RBPJ: variants seen among roughly 807,000 people sequenced by gnomAD.
RBPJ encodes the protein recombination signal binding protein for immunoglobulin kappa J region.
A neutral mutation model predicts 67.8 loss-of-function variants in RBPJ; 9 were observed. The observed-to-expected ratio is 0.13, with a 90% CI of 0.08 to 0.23. RBPJ has a LOEUF of 0.23. Among genes scored for constraint, RBPJ ranks in the 10% least tolerant of loss-of-function variants. RBPJ has a pLI of 1.00. For synonymous variants in RBPJ, 198 were observed against 203.3 expected (o/e 0.97, Z 0.22); for missense variants, 305 against 595.6 (o/e 0.51, Z 5.08).
At chr4:26,199,376 G>A (rs557378899) in intron 1 of RBPJ, among the ~76,000 whole-genome samples, 21 of 152,280 alleles carry the variant, frequency 1.4e-4, no homozygotes, top group Non-Finnish European at 2.6e-4. Context: ...TGGAGCTTGC[G>A]GGGATTAGAG....
chr4:26,119,130 A>G, the RBPJ span, among the ~76,000 whole-genome samples: 2 of 152,230 alleles, frequency 1.3e-5, no homozygotes, highest in Non-Finnish European at 2.9e-5. Context: ...GGGTTAAATA[A>G]ATAAAATACT....
At chr4:26,349,235 T>C (rs1384223379) in intron 1 of RBPJ, among the ~76,000 whole-genome samples, 3 of 151,892 alleles carry the variant, frequency 2.0e-5, no homozygotes, top group Admixed American at 2.0e-4. Context: ...GCCTGGATAA[T>C]GTTTTTAAAA....
rs574928434 is a variant in RBPJ, at chr4:26,261,346, A to T, written c.-167+97732A>T. On this transcript the variant is annotated intron_variant, in intron 1 of 4. Coordinates refer to the RBPJ transcript ENST00000512351. ...GATTCTTTTTTTTAAGGTAGAGGTT[A>T]AAAAAAAAGGCAGAGGAGCATTCTT... 2.9e-4 allele frequency among the ~76,000 whole-genome samples: 43 copies of T among 149,834 alleles called. No homozygotes were observed. The East Asian group carries it at 7.0e-3, about 24-fold the overall frequency.
At chr4:26,297,252 C>A (rs909115649) in intron 1 of RBPJ, among the ~76,000 whole-genome samples, 1 of 152,092 alleles carries the variant, frequency 6.6e-6, no homozygotes, top group Non-Finnish European at 1.5e-5. Context: ...GCAGTGAGCA[C>A]ACCACAGCAC....
chr4:26,385,797 T>A (rs1041632335), intron 1 of RBPJ, among the ~76,000 whole-genome samples: 1 of 150,870 alleles, frequency 6.6e-6, no homozygotes, highest in Non-Finnish European at 1.5e-5. Flanking sequence ...ATATTATTTA[T>A]TTATTTTTTT....
chr4:26,403,832 G>A (rs1024244557), intron 2 of RBPJ, among the ~76,000 whole-genome samples: 2 of 151,818 alleles, frequency 1.3e-5, no homozygotes, highest in African/African-American at 2.4e-5. Context: ...TGCAAATAGT[G>A]CTGCAATGAA....
upstream of RBPJ, among the ~76,000 whole-genome samples, chr4:26,159,905 TTC>T (rs35911476): frequency 0.025 from 3,681 of 147,150 alleles, 59 homozygotes; most frequent in Non-Finnish European, 0.042. Context: ...GCAAGAAGCT[TTC>T]TCTCTCTCTC....
At chr4:26,136,439 C>A in the RBPJ span, among the ~76,000 whole-genome samples, 5 of 152,220 alleles carry the variant, frequency 3.3e-5, no homozygotes, top group African/African-American at 1.2e-4. Context: ...CATCTCCTGC[C>A]ATGGCGTGGA....
At chr4:26,178,656 G>A (rs534384461) in intron 1 of RBPJ, among the ~76,000 whole-genome samples, 2 of 150,234 alleles carry the variant, frequency 1.3e-5, no homozygotes, top group South Asian at 4.2e-4. Flanking sequence ...TTAGCCTCAG[G>A]CCAGACTGCA....
chr4:26,338,191 C>T (rs1433599514), intron 1 of RBPJ, among the ~76,000 whole-genome samples: 1 of 118,396 alleles, frequency 8.4e-6, no homozygotes, highest in South Asian at 2.7e-4. Flanking sequence ...GAGTGTTGCT[C>T]TATTGGTAGG....
chr4:26,361,195 C>T (rs571564626), intron 1 of RBPJ, among the ~76,000 whole-genome samples: 1 of 152,070 alleles, frequency 6.6e-6, no homozygotes, highest in East Asian at 1.9e-4. Flanking sequence ...GCAGAGATTT[C>T]ACTGGATCAG....
upstream of RBPJ, chr4:26,320,040 C>G (rs1192932091): frequency 3.0e-6 from 2 of 657,024 alleles, no homozygotes; most frequent in Non-Finnish European, 5.3e-6. Context: ...TCGGGTGGCC[C>G]GGTTCCCTGT....
chr4:26,338,142 G>A (rs1725074515), intron 1 of RBPJ, among the ~76,000 whole-genome samples: 1 of 127,040 alleles, frequency 7.9e-6, no homozygotes, highest in Non-Finnish European at 1.7e-5. Context: ...ACATTCTTAT[G>A]TGTATTTTTC....
chr4:26,280,176 C>CT (rs1375339370), intron 1 of RBPJ, among the ~76,000 whole-genome samples: 1 of 151,620 alleles, frequency 6.6e-6, no homozygotes, highest in East Asian at 2.0e-4. Flanking sequence ...GGATGGATCA[C>CT]TTGAGGTCAG....
intron 1 of RBPJ, among the ~76,000 whole-genome samples, chr4:26,238,801 C>A (rs370187985): frequency 2.2e-4 from 33 of 152,120 alleles, no homozygotes; most frequent in African/African-American, 7.2e-4. Flanking sequence ...GGTGGCTGGG[C>A]AGATGGGGAT....
At chr4:26,324,589 G>A (rs1273008861) in intron 1 of RBPJ, among the ~76,000 whole-genome samples, 1 of 152,096 alleles carries the variant, frequency 6.6e-6, no homozygotes, top group East Asian at 1.9e-4. Context: ...GAGTTCAGTG[G>A]CACAATCTTA....
At chr4:26,166,937 G>C (rs988484924) in intron 1 of RBPJ, among the ~76,000 whole-genome samples, 7 of 152,104 alleles carry the variant, frequency 4.6e-5, no homozygotes, top group Admixed American at 6.6e-5. Flanking sequence ...CTACATATGG[G>C]TAGCCAGTTT....
chr4:26,251,847 C>CA (rs769291407), intron 1 of RBPJ, among the ~76,000 whole-genome samples: 1,436 of 49,248 alleles, frequency 0.029, 57 homozygotes, highest in East Asian at 0.054. Flanking sequence ...GACTCCGTCT[C>CA]AAAAAAAAAA....
chr4:26,284,468 T>G (rs1199119636), intron 1 of RBPJ, among the ~76,000 whole-genome samples: 1 of 152,254 alleles, frequency 6.6e-6, no homozygotes, highest in East Asian at 1.9e-4. Context: ...ATTTTAATTT[T>G]TATTTTATTT....
Sources: gnomAD v4.1 joint callset for allele counts (sites outside exome capture counted in the v4.1 genomes callset) on GRCh38, gnomAD v4.1.1 for gene constraint, MANE v1.5 for transcripts, NCBI Gene and HGNC (gene_info 2026-07-23, HGNC 2026-07-21) for gene names.